Variants in ERCC8 observed in about 807,000 individuals in gnomAD.
ERCC8 encodes DNA excision repair protein ERCC-8.
ERCC8 carries 52 observed loss-of-function variants against 54.9 expected under a neutral mutation model. The observed-to-expected ratio is 0.95, with a 90% CI of 0.76 to 1.19. The LOEUF (loss-of-function observed/expected upper bound fraction) is 1.19. Ranked by LOEUF, ERCC8 falls within the 50% of genes most tolerant of loss-of-function variation. The probability of loss-of-function intolerance (pLI) is 0.00; values close to 1 mark genes in which losing one functional copy is unlikely to be tolerated. For missense variants in ERCC8, 514 were observed against 466.1 expected (o/e 1.10, Z -0.95); for synonymous variants, 146 against 157.2 (o/e 0.93, Z 0.53).
intron 1 of ERCC8, among the ~76,000 whole-genome samples, chr5:60,937,419 G>C (rs1290109390): frequency 6.6e-6 from 1 of 152,170 alleles, no homozygotes; most frequent in Non-Finnish European, 1.5e-5. Flanking sequence ...CATCAGGTGG[G>C]AGCAGGGTTA....
At chr5:60,913,787 A>C (rs937271350) in intron 4 of ERCC8, among the ~76,000 whole-genome samples, 3 of 152,006 alleles carry the variant, frequency 2.0e-5, no homozygotes, top group African/African-American at 4.8e-5. Flanking sequence ...ATTCTGGTAC[A>C]TTGTGTCATT....
intron 11 of ERCC8, among the ~76,000 whole-genome samples, chr5:60,877,320 TC>T (rs1317911938): frequency 6.6e-6 from 1 of 152,232 alleles, no homozygotes; most frequent in African/African-American, 2.4e-5. Flanking sequence ...GTGTGATGCC[TC>T]CAGCTTTGTT....
intron 10 of ERCC8, among the ~76,000 whole-genome samples, chr5:60,888,784 T>C (rs1748468965): frequency 6.6e-6 from 1 of 152,248 alleles, no homozygotes; most frequent in African/African-American, 2.4e-5. Flanking sequence ...CTTACTACTC[T>C]TGAATAATTC....
intron 9 of ERCC8, chr5:60,893,086 A>C (rs1748614040): frequency 2.6e-6 from 2 of 776,138 alleles, no homozygotes; most frequent in Non-Finnish European, 4.7e-6. Context: ...ATCTTTTTCA[A>C]GACCAGGACC....
rs1188760861 is a variant in ERCC8 at position 60,918,389 on chromosome 5, C to T, written c.276-1G>A. 32 of 1,609,772 alleles carry T rather than the reference C, an allele frequency of 2.0e-5. No homozygotes were observed. The highest frequency in any genetic ancestry group is 2.5e-5 in the Non-Finnish European group (30 of 1,177,534). On this transcript the variant is annotated splice_acceptor_variant, in intron 3 of 11. Transcript: ENST00000676185. LOFTEE classifies it high-confidence loss of function. Reference sequence around the variant, plus strand: ...GTATCTGTGAACATCAGGATGATCTCTACAAAACAGCAATCAAAATTTACA... The same window carrying T: ...GTATCTGTGAACATCAGGATGATCTTTACAAAACAGCAATCAAAATTTACA...
At chr5:60,942,604 C>T (rs1186413545) in intron 1 of ERCC8, among the ~76,000 whole-genome samples, 1 of 151,744 alleles carries the variant, frequency 6.6e-6, no homozygotes, top group Non-Finnish European at 1.5e-5. Flanking sequence ...TGACCTAAAG[C>T]AGATTAGTAG....
At chr5:60,880,471 G>C (rs1748176293) in intron 11 of ERCC8, among the ~76,000 whole-genome samples, 3 of 152,148 alleles carry the variant, frequency 2.0e-5, no homozygotes, top group Admixed American at 2.0e-4. Flanking sequence ...TTCCAACTTG[G>C]TTCCATTCTC....
In ERCC8 at chr5:60,871,583, T is replaced by C. The variant is rs979602652; in HGVS notation, c.*3032A>G. 1.3e-5 allele frequency among the ~76,000 whole-genome samples: 2 copies of C among 152,162 alleles called. No homozygotes were observed. The highest frequency in any genetic ancestry group is 2.9e-5 in the Non-Finnish European group (2 of 68,030). On this transcript the variant is annotated 3_prime_UTR_variant, in exon 12 of 12. Coordinates refer to ENST00000676185, the MANE Select transcript of ERCC8 (RefSeq NM_000082.4). ...GTAAAATTATATGTATCATAAGAGATTCATGAAGAATGACCATGAAAATGT... is the reference window on the plus strand; with the variant it reads ...GTAAAATTATATGTATCATAAGAGACTCATGAAGAATGACCATGAAAATGT...
Position 60,903,684 on chromosome 5 carries a change from C to T in ERCC8, c.514G>A (p.Asp172Asn), listed in dbSNP as rs1274937874. 5.0e-6 allele frequency: 8 copies of T among 1,612,674 alleles called. No homozygotes were observed. Among genetic ancestry groups the T allele is most frequent in the Non-Finnish European group, 6.8e-6 (8 of 1,179,294 alleles). ...TGAGAACAGGATCCAGACTTCAAGT[C>T]ACAAAGTTGTACTTTGGGTCCTCTA... ...GTRGPKVQLC[D>N]LKSGSCSHIL... The change falls in exon 6 of 12, where the codon GAC becomes AAC. Residue 172 changes from aspartate to asparagine, a missense_variant. Coordinates refer to ENST00000676185, the MANE Select transcript of ERCC8 (RefSeq NM_000082.4).
intron 4 of ERCC8, among the ~76,000 whole-genome samples, chr5:60,914,967 G>A (rs1561509076): frequency 1.3e-5 from 2 of 151,754 alleles, no homozygotes; most frequent in East Asian, 1.9e-4. Flanking sequence ...CTTTTTGTAT[G>A]TTGCTAGATT....
At chr5:60,899,855 G>T (rs1487625259) in intron 7 of ERCC8, 128 bp from the exon 8 acceptor site, 5 of 686,966 alleles carry the variant, frequency 7.3e-6, no homozygotes, top group Non-Finnish European at 1.3e-5. Context: ...ATACATTAGG[G>T]TTGTTGAACT....
chr5:60,879,467 GGTGTTAAA>G (rs1244020825), intron 11 of ERCC8, among the ~76,000 whole-genome samples: 1 of 152,066 alleles, frequency 6.6e-6, no homozygotes, highest in Non-Finnish European at 1.5e-5. Flanking sequence ...TTGACAGTGG[GGTGTTAAA>G]GTCTCCCATT....
intron 4 of ERCC8, among the ~76,000 whole-genome samples, chr5:60,913,541 C>T (rs1749336733): frequency 6.6e-6 from 1 of 152,036 alleles, no homozygotes; most frequent in Admixed American, 6.6e-5. Flanking sequence ...TTCAAAAAAC[C>T]TGCTCCTGGA....
At chr5:60,937,685 G>A (rs1302309387) in intron 1 of ERCC8, among the ~76,000 whole-genome samples, 2 of 152,168 alleles carry the variant, frequency 1.3e-5, no homozygotes, top group Non-Finnish European at 2.9e-5. Context: ...ATTTCCAGCA[G>A]GGCTGAGGAC....
In ERCC8 at chr5:60,867,894, C is replaced by T. The variant is rs1747786334; in HGVS notation, c.*6721G>A. On this transcript the variant is annotated 3_prime_UTR_variant, in exon 12 of 12. Transcript: ENST00000676185. ...ATAAATTGTTGCCTTAAAGAGCTGACTACAGGCTGGCCGCGGTGGCTCATG... is the reference window on the plus strand; with the variant it reads ...ATAAATTGTTGCCTTAAAGAGCTGATTACAGGCTGGCCGCGGTGGCTCATG... Among the ~76,000 whole-genome samples the T allele has an allele frequency of 6.6e-6, 1 of 152,212 alleles. No homozygotes were observed. The highest frequency in any genetic ancestry group is 2.4e-5 in the African/African-American group (1 of 41,462).
intron 1 of ERCC8, among the ~76,000 whole-genome samples, chr5:60,937,147 C>T (rs977772489): frequency 1.9e-4 from 29 of 152,202 alleles, no homozygotes; most frequent in Non-Finnish European, 3.1e-4. Context: ...GTCTCTCAGC[C>T]GTGGATACCA....
At position 60,940,703 on chromosome 5, in the gene ERCC8, C is replaced by G. The variant is rs191063390; in HGVS notation, c.77+4229G>C. On this transcript the variant is annotated intron_variant, in intron 1 of 11. Coordinates refer to ENST00000676185, the MANE Select transcript of ERCC8 (RefSeq NM_000082.4). ...AGTCTGACCATTGAATGGCATACACCTGGGGAAGATCTGAAGAGACTTTGA... is the reference window on the plus strand; with the variant it reads ...AGTCTGACCATTGAATGGCATACACGTGGGGAAGATCTGAAGAGACTTTGA... 3.3e-5 allele frequency among the ~76,000 whole-genome samples: 5 copies of G among 152,272 alleles called. No individual in the cohort carries two copies. The East Asian group carries it at 9.6e-4, about 29-fold the overall frequency.
chr5:60,898,075 T>C (rs1320794939), intron 9 of ERCC8, among the ~76,000 whole-genome samples: 3 of 152,194 alleles, frequency 2.0e-5, no homozygotes, highest in African/African-American at 7.2e-5. Flanking sequence ...GATTCTCTGC[T>C]AAGTAGGGAG....
intron 8 of ERCC8, among the ~76,000 whole-genome samples, chr5:60,898,763 T>G (rs1341946983): frequency 6.8e-6 from 1 of 146,284 alleles, no homozygotes; most frequent in Non-Finnish European, 1.5e-5. Flanking sequence ...TTCTATGGAC[T>G]ATTAAAATCA....
Sources: allele counts gnomAD v4.1 joint callset (sites outside exome capture counted in the v4.1 genomes callset), GRCh38; gene constraint gnomAD v4.1.1; transcripts MANE v1.5; gene names NCBI Gene and HGNC (gene_info 2026-07-23, HGNC 2026-07-21).